Variants in PUM1 observed in about 807,000 individuals in gnomAD.
The protein encoded by PUM1 is pumilio homolog 1.
PUM1 carries 13 observed loss-of-function variants against 131.8 expected under a neutral mutation model. The observed-to-expected ratio is 0.10, with a 90% CI of 0.06 to 0.16. PUM1 has a LOEUF of 0.16. PUM1 is among the 10% of genes least tolerant of loss of function. PUM1 has a pLI of 1.00. For missense variants in PUM1, 961 were observed against 1,512.4 expected (o/e 0.64, Z 6.05); for synonymous variants, 509 against 556.5 (o/e 0.91, Z 1.20).
rs548161538 is a variant in PUM1, at chr1:30,970,437, C to G, written c.1507-1945G>C. On this transcript the variant is annotated intron_variant, in intron 10 of 21. Transcript: ENST00000426105. ...GATCTTGCAGATTTGCTGGAAATAT[C>G]TCAAATAATGTGTTTAAGCCACACT... Among the ~76,000 whole-genome samples, 19 of 152,252 alleles carry G rather than the reference C, an allele frequency of 1.2e-4. No individual in the cohort carries two copies. The East Asian group carries it at 3.7e-3, about 29-fold the overall frequency.
At chr1:31,032,005 T>C (rs1643448434) in intron 2 of PUM1, among the ~76,000 whole-genome samples, 1 of 152,146 alleles carries the variant, frequency 6.6e-6, no homozygotes. Context: ...AACCACACTC[T>C]TTCCCTATCC....
intron 2 of PUM1, among the ~76,000 whole-genome samples, chr1:31,054,927 A>C (rs1204928477): frequency 6.6e-6 from 1 of 152,188 alleles, no homozygotes; most frequent in East Asian, 1.9e-4. Context: ...CTGGAATCAA[A>C]GACTGATTTC....
At chr1:30,949,644 ATC>A (rs1373919732) in intron 17 of PUM1, among the ~76,000 whole-genome samples, 1 of 152,026 alleles carries the variant, frequency 6.6e-6, no homozygotes, top group Non-Finnish European at 1.5e-5. Context: ...GGTGTTAGTC[ATC>A]TCTGTGCTGA....
chr1:30,988,956 C>A (rs1246737608), intron 7 of PUM1, among the ~76,000 whole-genome samples: 2 of 152,192 alleles, frequency 1.3e-5, no homozygotes, highest in Non-Finnish European at 2.9e-5. Context: ...TAGAAGGACA[C>A]AACAGTCAAC....
chr1:30,966,997 A>T, intron 12 of PUM1, 170 bp downstream of exon 12: 1 of 761,478 alleles, frequency 1.3e-6, no homozygotes, highest in Non-Finnish European at 1.9e-6. Flanking sequence ...CCCAACAAAA[A>T]GGAGAATCCA....
At chr1:30,970,763 T>C (rs561853749) in intron 10 of PUM1, among the ~76,000 whole-genome samples, 15 of 152,158 alleles carry the variant, frequency 9.9e-5, no homozygotes, top group Non-Finnish European at 1.9e-4. Context: ...GATAAGTAAA[T>C]AGCAAGCACA....
chr1:30,936,213 T>A (rs576690623), intron 21 of PUM1, among the ~76,000 whole-genome samples: 2 of 151,650 alleles, frequency 1.3e-5, no homozygotes, highest in African/African-American at 4.8e-5. Context: ...CAGGTGTTAG[T>A]CATCTCTGTG....
In PUM1 at chr1:30,974,572, A is replaced by G. The variant is rs998437575; in HGVS notation, c.1506+79T>C. On this transcript the variant is annotated intron_variant, in intron 10 of 21. Coordinates refer to ENST00000426105, the MANE Select transcript of PUM1 (RefSeq NM_001020658.2). ...ATTCATGCATTCACAGTGTTTTTCT[A>G]TTAGGCGCAATATTACCTATTAATT... 10 of 1,374,500 alleles carry G rather than the reference A, an allele frequency of 7.3e-6. No individual in the cohort carries two copies. The African/African-American group carries it at 1.3e-4, about 18-fold the overall frequency. 85.1% of individuals were successfully genotyped at this position (1,374,500 alleles called of 1,614,324 possible).
chr1:31,029,687 G>C (rs1248357784), intron 2 of PUM1, among the ~76,000 whole-genome samples: 1 of 152,192 alleles, frequency 6.6e-6, no homozygotes, highest in Admixed American at 6.5e-5. Flanking sequence ...AGGGATTCAA[G>C]AGTACATTCC....
At chr1:31,032,319 A>G (rs535523757) in intron 2 of PUM1, among the ~76,000 whole-genome samples, 1 of 152,236 alleles carries the variant, frequency 6.6e-6, no homozygotes, top group Non-Finnish European at 1.5e-5. Flanking sequence ...TCAAAAAATG[A>G]AGGCACTGTA....
At chr1:30,935,465 A>C (rs1639167864) in intron 21 of PUM1, among the ~76,000 whole-genome samples, 1 of 152,208 alleles carries the variant, frequency 6.6e-6, no homozygotes, top group African/African-American at 2.4e-5. Context: ...AACCCTGCTG[A>C]GAATACGACC....
intron 2 of PUM1, among the ~76,000 whole-genome samples, chr1:31,029,913 C>CA (rs10592751): frequency 0.074 from 8,813 of 119,818 alleles, 412 homozygotes; most frequent in Non-Finnish European, 0.11. Context: ...GATCCTTTTT[C>CA]AAAAAAAAAA....
In PUM1 at chr1:30,941,078, AATAAG is replaced by A. The variant is rs201588008; in HGVS notation, c.3242+68_3242+72del. On this transcript the variant is annotated intron_variant, in intron 20 of 21. Coordinates refer to ENST00000426105, the MANE Select transcript of PUM1 (RefSeq NM_001020658.2). The stretch of plus-strand genomic sequence containing the variant: ...AACAACAACAACAACAACATTAAAA[AATAAG>A]ATAATTATAGTTCAATACTACTAAT... 14,368 of 1,440,560 alleles carry A rather than the reference AATAAG, an allele frequency of 1.0e-2. 110 individuals carry two copies. The highest frequency in any genetic ancestry group is 0.015 in the Middle Eastern group (83 of 5,370). 89.2% of individuals were successfully genotyped at this position (1,440,560 alleles called of 1,614,324 possible).
intron 1 of PUM1, 124 bp from the exon 2 acceptor site, chr1:31,059,701 G>A (rs1360272954): frequency 8.6e-6 from 10 of 1,157,420 alleles, no homozygotes. Context: ...CATGCACTCT[G>A]GCAAGGTATT....
intron 14 of PUM1, among the ~76,000 whole-genome samples, chr1:30,960,373 T>C (rs1399133422): frequency 1.3e-5 from 2 of 152,234 alleles, no homozygotes; most frequent in Non-Finnish European, 2.9e-5. Flanking sequence ...GATTTTTGAC[T>C]TGGGATTCTC....
At chr1:31,008,515 G>T (rs1469446577) in intron 3 of PUM1, among the ~76,000 whole-genome samples, 1 of 152,072 alleles carries the variant, frequency 6.6e-6, no homozygotes, top group Non-Finnish European at 1.5e-5. Context: ...AAGGGCATTT[G>T]GGGGAGGGTG....
intron 3 of PUM1, among the ~76,000 whole-genome samples, chr1:31,015,365 G>A (rs12082836): frequency 0.025 from 3,763 of 150,482 alleles, 177 homozygotes; most frequent in African/African-American, 0.085. Flanking sequence ...TTTTTGAGAC[G>A]GAGTCTCGCT....
intron 7 of PUM1, among the ~76,000 whole-genome samples, chr1:30,986,162 C>G (rs1194797546): frequency 6.6e-6 from 1 of 152,140 alleles, no homozygotes; most frequent in Admixed American, 6.5e-5. Context: ...ACCATGTTGG[C>G]CAGGCTGATC....
intron 9 of PUM1, among the ~76,000 whole-genome samples, chr1:30,978,018 G>A (rs1427613361): frequency 6.6e-6 from 1 of 152,202 alleles, no homozygotes; most frequent in African/African-American, 2.4e-5. Context: ...GCCAAGGAGG[G>A]TGGATCACTT....
Sources: allele counts gnomAD v4.1 joint callset (sites outside exome capture counted in the v4.1 genomes callset), GRCh38; gene constraint gnomAD v4.1.1; transcripts MANE v1.5; gene names NCBI Gene and HGNC (gene_info 2026-07-23, HGNC 2026-07-21).